The following NR2C1 variants were observed in gnomAD, a reference collection of about 807,000 sequenced individuals.
NR2C1 encodes the protein TR2 nuclear hormone receptor.
In NR2C1, 33 loss-of-function variants were observed where a neutral mutation model predicts 74.8. That is an observed-to-expected ratio of 0.44 (90% CI 0.33 to 0.59). NR2C1 has a LOEUF of 0.59. NR2C1 is among the 20% of genes least tolerant of loss of function. The pLI, the probability that NR2C1 is intolerant of heterozygous loss-of-function variation, is 0.02. For missense variants in NR2C1, 568 were observed against 715.6 expected, an observed-to-expected ratio of 0.79 and a Z score of 2.35; for synonymous variants, 225 against 240.6, an observed-to-expected ratio of 0.94 and a Z score of 0.60.
intron 10 of NR2C1, among the ~76,000 whole-genome samples, chr12:95,032,810 A>G (rs1034330298): frequency 2.0e-5 from 3 of 152,136 alleles, no homozygotes; most frequent in Non-Finnish European, 2.9e-5. Context: ...TCTACAAAAA[A>G]TACAAAAATT....
Position 95,051,805 on chromosome 12 carries a change from A to G in NR2C1, c.922T>C (p.Leu308=). Residue 308 remains leucine, a synonymous_variant, in exon 8 of 14, where the codon TTG becomes CTG. Coordinates refer to ENST00000333003, the MANE Select transcript of NR2C1 (RefSeq NM_003297.4). ...GTCTGCATTTCTTGAAATTCACACA[A>G]AGAGGTATCATCATTGCTTAAGCTT... The part of the protein sequence containing the change: ...IESLSNDDTS[L]CEFQEMQTNG... The G allele has an allele frequency of 1.2e-6, 2 of 1,607,814 alleles. No homozygotes were observed. The highest frequency in any genetic ancestry group is 2.2e-5 in the South Asian group (2 of 89,820).
chr12:95,042,464 G>T (rs1271890979), intron 9 of NR2C1, among the ~76,000 whole-genome samples: 1 of 151,876 alleles, frequency 6.6e-6, no homozygotes, highest in Non-Finnish European at 1.5e-5. Context: ...CCGCCCGCCT[G>T]GGCCTCCTAA....
At chr12:95,039,505 C>T (rs1338533035) in intron 10 of NR2C1, among the ~76,000 whole-genome samples, 3 of 152,166 alleles carry the variant, frequency 2.0e-5, no homozygotes, top group Non-Finnish European at 4.4e-5. Context: ...TTTTCCATTG[C>T]TTTGCCTTTA....
intron 10 of NR2C1, among the ~76,000 whole-genome samples, chr12:95,034,776 T>C (rs527549080): frequency 6.6e-6 from 1 of 152,200 alleles, no homozygotes; most frequent in Non-Finnish European, 1.5e-5. Flanking sequence ...TATACAGGTT[T>C]GTCCTAGGTT....
In NR2C1 at chr12:95,031,501, G is replaced by A. The variant is rs374873204; in HGVS notation, c.1254-13C>T. Reference sequence around the variant, plus strand: ...GCTGTTTTCTTGCCTATTAAAAACAGTAATAAAAGCACAAATCAGATATTA... The same window carrying A: ...GCTGTTTTCTTGCCTATTAAAAACAATAATAAAAGCACAAATCAGATATTA... On this transcript the variant is annotated splice_polypyrimidine_tract_variant and intron_variant, in intron 10 of 13. Transcript: ENST00000333003. 3 of 1,567,814 alleles carry A rather than the reference G, an allele frequency of 1.9e-6. No homozygotes were observed. The highest frequency in any genetic ancestry group is 2.6e-6 in the Non-Finnish European group (3 of 1,162,120).
intron 10 of NR2C1, among the ~76,000 whole-genome samples, chr12:95,036,512 CTT>C (rs776220936): frequency 4.2e-4 from 59 of 139,882 alleles, no homozygotes; most frequent in Admixed American, 7.9e-4. Flanking sequence ...TGTGGGTTTA[CTT>C]TTTTTTTTTT....
At chr12:95,030,886 A>T in intron 11 of NR2C1, 5 of 1,594,722 alleles carry the variant, frequency 3.1e-6, no homozygotes, top group Non-Finnish European at 4.3e-6. Flanking sequence ...AGGAAAGGAA[A>T]AACAGAATAA....
intron 2 of NR2C1, 46 bp downstream of exon 2, chr12:95,067,285 T>G (rs1202545154): frequency 1.3e-6 from 2 of 1,496,396 alleles, no homozygotes; most frequent in Admixed American, 1.7e-5. Context: ...TAGTAGGAAT[T>G]AGAAAAGTTT....
intron 7 of NR2C1, among the ~76,000 whole-genome samples, chr12:95,052,520 G>T (rs966300454): frequency 6.6e-6 from 1 of 152,076 alleles, no homozygotes; most frequent in Non-Finnish European, 1.5e-5. Context: ...ACAGTGGCAC[G>T]ACCACAGATC....
intron 4 of NR2C1, among the ~76,000 whole-genome samples, chr12:95,059,537 C>T (rs983103506): frequency 1.3e-5 from 2 of 151,934 alleles, no homozygotes; most frequent in African/African-American, 4.8e-5. Context: ...CATGGTGAAA[C>T]TCCATTTCCA....
chr12:95,052,802 A>G (rs1311518890), intron 7 of NR2C1, among the ~76,000 whole-genome samples: 2 of 152,160 alleles, frequency 1.3e-5, no homozygotes, highest in Non-Finnish European at 2.9e-5. Flanking sequence ...AAAATGGCAA[A>G]TGAATTGTTG....
At chr12:95,045,100 A>T (rs1284249056) in intron 9 of NR2C1, among the ~76,000 whole-genome samples, 1 of 152,198 alleles carries the variant, frequency 6.6e-6, no homozygotes, top group Non-Finnish European at 1.5e-5. Flanking sequence ...ACTTTTTGTT[A>T]ATCACTTCGC....
rs796261647 is a variant in NR2C1 at position 95,070,777 on chromosome 12, T to C, written c.-8+2603A>G. Among the ~76,000 whole-genome samples, 15 of 152,340 alleles carry C rather than the reference T, an allele frequency of 9.8e-5. 1 individual carries two copies. The highest frequency in any genetic ancestry group is 3.6e-4 in the African/African-American group (15 of 41,584). Reference sequence around the variant, plus strand: ...ACCACAATGGAGAGTTCTTTTATAATCCGACTTCCCCCTATTCTCATTTCC... The same window carrying C: ...ACCACAATGGAGAGTTCTTTTATAACCCGACTTCCCCCTATTCTCATTTCC... On this transcript the variant is annotated intron_variant, in intron 1 of 13. Coordinates refer to ENST00000333003, the MANE Select transcript of NR2C1 (RefSeq NM_003297.4).
chr12:95,061,199 C>A (rs1311802887), intron 3 of NR2C1, among the ~76,000 whole-genome samples: 2 of 152,194 alleles, frequency 1.3e-5, no homozygotes, highest in Non-Finnish European at 1.5e-5. Context: ...AGAGAAGCCT[C>A]AGGAGACATG....
chr12:95,025,754 T>C (rs1369396790), intron 12 of NR2C1, among the ~76,000 whole-genome samples: 1 of 150,768 alleles, frequency 6.6e-6, no homozygotes, highest in Non-Finnish European at 1.5e-5. Flanking sequence ...TTTTACATAT[T>C]TAAAATTATT....
intron 7 of NR2C1, among the ~76,000 whole-genome samples, chr12:95,053,493 T>C (rs1421281845): frequency 6.6e-6 from 1 of 151,976 alleles, no homozygotes; most frequent in Non-Finnish European, 1.5e-5. Context: ...ATACATGAGT[T>C]TTTCTGAGTA....
chr12:95,046,465 G>A (rs1017773061), intron 9 of NR2C1, among the ~76,000 whole-genome samples: 5 of 152,182 alleles, frequency 3.3e-5, no homozygotes, highest in African/African-American at 1.2e-4. Context: ...GCACATGCCT[G>A]TGGTCTCAGC....
At chr12:95,072,936 G>A (rs1876930518) in intron 1 of NR2C1, 1 of 152,246 alleles carries the variant, frequency 6.6e-6, no homozygotes, top group African/African-American at 2.4e-5. Flanking sequence ...GCCACTAGCC[G>A]AGGGTCGGCC....
At chr12:95,070,257 G>C (rs557036334) in intron 1 of NR2C1, among the ~76,000 whole-genome samples, 1 of 151,928 alleles carries the variant, frequency 6.6e-6, no homozygotes, top group African/African-American at 2.4e-5. Context: ...TCAGCCTCCC[G>C]AGTAGCTGGG....
Sources: allele counts gnomAD v4.1 joint callset (sites outside exome capture counted in the v4.1 genomes callset), GRCh38; gene constraint gnomAD v4.1.1; transcripts MANE v1.5; gene names NCBI Gene and HGNC (gene_info 2026-07-23, HGNC 2026-07-21).